The following GORASP1 variants were observed in gnomAD, a reference collection of about 807,000 sequenced individuals.
GORASP1 encodes the protein Golgi reassembly-stacking protein 1.
GORASP1 carries 31 observed loss-of-function variants against 37.7 expected under a neutral mutation model. The ratio of observed to expected loss-of-function variants is 0.82; its 90% CI spans 0.62 to 1.11. GORASP1 has a LOEUF of 1.11. Ranked by LOEUF, GORASP1 falls within the 50% of genes least tolerant of loss-of-function variation. The probability of loss-of-function intolerance (pLI) is 0.00; values close to 1 mark genes in which losing one functional copy is unlikely to be tolerated. For synonymous variants in GORASP1, 204 were observed against 224.8 expected (o/e 0.91, Z 0.83); for missense variants, 476 against 560.7 (o/e 0.85, Z 1.53).
chr3:39,101,527 C>T (rs1370681002), intron 3 of GORASP1: 1 of 458,254 alleles, frequency 2.2e-6, no homozygotes, highest in Non-Finnish European at 4.4e-6. Flanking sequence ...ACAGGAGCAC[C>T]CACTACATTG....
rs2035366993 is a variant in GORASP1, at chr3:39,096,740, C to T, written c.*1496G>A. 1 of 152,132 alleles carries T rather than the reference C, an allele frequency of 6.6e-6. No individual in the cohort carries two copies. The highest frequency in any genetic ancestry group is 2.4e-5 in the African/African-American group (1 of 41,410). 9.4% of individuals were successfully genotyped at this position (152,132 alleles called of 1,614,324 possible). On this transcript the variant is annotated 3_prime_UTR_variant, in exon 9 of 9. Coordinates refer to ENST00000319283, the MANE Select transcript of GORASP1 (RefSeq NM_031899.4). ...AGATTACAGAGAAAGAAAGAAACCT[C>T]TGGTTTCATGTTCTCCCTGGAAATA... is the stretch of plus-strand genomic sequence containing the variant.
chr3:39,099,206 A>G (rs1310528906), intron 7 of GORASP1, 147 bp downstream of exon 7: 4 of 965,204 alleles, frequency 4.1e-6, no homozygotes, highest in Non-Finnish European at 6.6e-6. Context: ...CCCCATCTGT[A>G]TACTAGATTG....
rs148059872 is a variant in GORASP1 at position 39,101,077 on chromosome 3, G to A, written c.374C>T (p.Ala125Val). 1,294 of 1,614,144 alleles carry A rather than the reference G, an allele frequency of 8.0e-4. 15 individuals carry two copies. Among genetic ancestry groups the A allele is most frequent in the Non-Finnish European group, 1.3e-4 (151 of 1,179,980 alleles). Residue 125 changes from alanine to valine, a missense_variant, in exon 4 of 9, where the codon GCC (alanine) becomes GTC (valine). Coordinates refer to ENST00000319283, the MANE Select transcript of GORASP1 (RefSeq NM_031899.4). ...TGTGTAGGGGCGCAGGCCGGCAAGGGCAGCAGGTGAAGATGGTTCCACATC... is the reference window on the plus strand; with the variant it reads ...TGTGTAGGGGCGCAGGCCGGCAAGGACAGCAGGTGAAGATGGTTCCACATC... ...VLDVEPSSPA[A>V]LAGLRPYTDY...
chr3:39,106,839 A>C, intron 1 of GORASP1: 1 of 278,746 alleles, frequency 3.6e-6, no homozygotes, highest in Non-Finnish European at 7.4e-6. Flanking sequence ...GCTCGCCCAG[A>C]CCTCCATGTA....
chr3:39,104,905 C>T lies in GORASP1; in HGVS notation c.64-1352G>A, dbSNP rs562541619. On this transcript the variant is annotated intron_variant, in intron 1 of 8. Transcript: ENST00000319283. ...TAACCCTTCAGGTGAGGGGATCTTT[C>T]GAAAACCACAGGACAGGACAGTTAT... Among the ~76,000 whole-genome samples the T allele has an allele frequency of 2.5e-4, 38 of 152,320 alleles. 1 individual carries two copies. The South Asian group carries it at 6.8e-3, about 27-fold the overall frequency.
rs910907538 is a variant in GORASP1, at chr3:39,105,232, C to T, written c.64-1679G>A. Among the ~76,000 whole-genome samples the T allele has an allele frequency of 1.3e-5, 2 of 152,056 alleles. No homozygotes were observed. Among genetic ancestry groups the T allele is most frequent in the Non-Finnish European group, 2.9e-5 (2 of 68,022 alleles). ...ATAATCTATGCTGCTGCCCACTGTA[C>T]GGCTCCCCCTGCAGAAACCACTGCC... On this transcript the variant is annotated intron_variant, in intron 1 of 8. Coordinates refer to ENST00000319283, the MANE Select transcript of GORASP1 (RefSeq NM_031899.4). This position sits in a 1 kb window ranked among gnomAD's most constrained non-coding sequence, Gnocchi z 5.4.
Position 39,102,534 on chromosome 3 carries a change from T to A in GORASP1, c.348+144A>T. 1.3e-6 allele frequency: 1 copy of A among 758,890 alleles called. No individual in the cohort carries two copies. Among genetic ancestry groups the A allele is most frequent in the Non-Finnish European group, 2.2e-6 (1 of 448,852 alleles). 47.0% of individuals were successfully genotyped at this position (758,890 alleles called of 1,614,324 possible). A position where few individuals can be genotyped will look rare whatever the true frequency, so the allele number is the denominator to read the frequency against. On this transcript the variant is annotated intron_variant, in intron 3 of 8. Coordinates refer to ENST00000319283, the MANE Select transcript of GORASP1 (RefSeq NM_031899.4). The surrounding 1 kb of genome is among the most constrained non-coding windows in gnomAD (Gnocchi z 5.0). ...TCTGGGACACTGGAATGAGACCACA[T>A]CCTGCCCTCAGTCTTCCCTGGCCAC...
At position 39,098,842 on chromosome 3, in the gene GORASP1, A is replaced by G. The variant is rs774767410; in HGVS notation, c.968T>C (p.Val323Ala). The G allele has an allele frequency of 2.5e-6, 4 of 1,614,168 alleles. No individual in the cohort carries two copies. The highest frequency in any genetic ancestry group is 3.4e-6 in the Non-Finnish European group (4 of 1,180,000). The change falls in exon 8 of 9, where the codon GTG (valine) becomes GCG (alanine). Residue 323 changes from valine (V) to alanine (A), a missense_variant. By Grantham distance (64) the Val-to-Ala change is moderately conservative. Coordinates refer to ENST00000319283, the MANE Select transcript of GORASP1 (RefSeq NM_031899.4). This position sits in a 1 kb window ranked among gnomAD's most constrained non-coding sequence, Gnocchi z 4.7. ...TGTGGAAGAGGGCAGGCTGGGCCACACACTGGCATTGCTGTTGTCCAAGAG... is the reference window on the plus strand; with the variant it reads ...TGTGGAAGAGGGCAGGCTGGGCCACGCACTGGCATTGCTGTTGTCCAAGAG... ...ISLLDNSNAS[V>A]WPSLPSSTEL...
In GORASP1 at chr3:39,098,721, G is replaced by A. The variant is rs775337852; in HGVS notation, c.1069+20C>T. On this transcript the variant is annotated intron_variant, in intron 8 of 8. Coordinates refer to ENST00000319283, the MANE Select transcript of GORASP1 (RefSeq NM_031899.4). This position sits in a 1 kb window ranked among gnomAD's most constrained non-coding sequence, Gnocchi z 4.7. ...CCCGGGGTCCTTCCCAGAGGACTTC[G>A]GAAGGTGATGGCCACTCACCACCCC... The A allele has an allele frequency of 7.3e-5, 117 of 1,611,908 alleles. 1 individual carries two copies. Among genetic ancestry groups the A allele is most frequent in the Middle Eastern group, 1.7e-4 (1 of 6,040 alleles).
chr3:39,102,862 A>G lies in GORASP1; in HGVS notation c.164T>C (p.Leu55Pro). ...CACATTGGCTTTCAGTAGTGCCTTC[A>G]GGGTGTCATTCTCCTTGTTCTGTGG... Reference protein sequence around the residue: ...HSRLNKENDTLKALLKANVEK... With the variant: ...HSRLNKENDTPKALLKANVEK... Residue 55 changes from leucine (L) to proline (P), a missense_variant, in exon 3 of 9, where the codon CTG (leucine) becomes CCG (proline). By Grantham distance (98) the Leu-to-Pro change is moderately conservative. Coordinates refer to ENST00000319283, the MANE Select transcript of GORASP1 (RefSeq NM_031899.4). The surrounding 1 kb of genome is among the most constrained non-coding windows in gnomAD (Gnocchi z 5.0). 1 of 1,614,148 alleles carries G rather than the reference A, an allele frequency of 6.2e-7. No individual in the cohort carries two copies. The highest frequency in any genetic ancestry group is 1.1e-5 in the South Asian group (1 of 91,090).
chr3:39,107,588 C>T lies in GORASP1; in HGVS notation c.-47G>A, dbSNP rs766974505. On this transcript the variant is annotated 5_prime_UTR_variant, in exon 1 of 9. Coordinates refer to ENST00000319283, the MANE Select transcript of GORASP1 (RefSeq NM_031899.4). The stretch of plus-strand genomic sequence containing the variant: ...CCAGGTCCAGTCCCGCTGCGCCTAC[C>T]CGGACCGACCCGACGCCAGTAGCAC... 9 of 1,455,756 alleles carry T rather than the reference C, an allele frequency of 6.2e-6. No homozygotes were observed. The South Asian group carries it at 1.1e-4, about 17-fold the overall frequency. The allele number at this position is 1,455,756 out of a possible 1,614,324, so 90.2% of individuals were successfully genotyped here. A position where few individuals can be genotyped will look rare whatever the true frequency, so the allele number is the denominator to read the frequency against.
intron 1 of GORASP1, chr3:39,107,094 C>A (rs1047395249): frequency 2.5e-5 from 12 of 473,608 alleles, no homozygotes; most frequent in African/African-American, 3.9e-5. Context: ...TCTTCCCAGG[C>A]CCAGCACGGA....
Position 39,100,302 on chromosome 3 carries a change from T to A in GORASP1, c.765+3A>T, listed in dbSNP as rs376101693. ...TCCCAGTTGGCAGATTCTCCCCACA[T>A]ACCTCCATGTAGTCACTCTGCCTGG... On this transcript the variant is annotated splice_donor_region_variant and intron_variant, in intron 6 of 8. Coordinates refer to ENST00000319283, the MANE Select transcript of GORASP1 (RefSeq NM_031899.4). The surrounding 1 kb of genome is among the most constrained non-coding windows in gnomAD (Gnocchi z 4.6). The A allele has an allele frequency of 1.2e-6, 2 of 1,613,514 alleles. No homozygotes were observed. The highest frequency in any genetic ancestry group is 1.7e-6 in the Non-Finnish European group (2 of 1,179,468).
At chr3:39,107,243 G>A in intron 1 of GORASP1, 1 of 529,736 alleles carries the variant, frequency 1.9e-6, no homozygotes, top group South Asian at 1.9e-5. Context: ...CGGCACTGCT[G>A]GCACTTGGGG....
At chr3:39,099,025 C>A in intron 7 of GORASP1, 132 bp from the exon 8 acceptor site, 2 of 1,194,564 alleles carry the variant, frequency 1.7e-6, no homozygotes, top group African/African-American at 3.0e-5. Flanking sequence ...CTGGTGATAC[C>A]CCTCACCCAA....
In GORASP1 at chr3:39,100,910, T is replaced by A; in HGVS notation, c.436-33A>T. On this transcript the variant is annotated intron_variant, in intron 4 of 8. Transcript: ENST00000319283. This position sits in a 1 kb window ranked among gnomAD's most constrained non-coding sequence, Gnocchi z 4.6. ...AAACGCATAGCACCTGAGGCCTGCT[T>A]CCAGGGCTAAAGCCTCAACAAAACC... The A allele has an allele frequency of 6.2e-7, 1 of 1,614,068 alleles. No homozygotes were observed.
chr3:39,098,633 G>T lies in GORASP1; in HGVS notation c.1069+108C>A. 2 of 1,506,642 alleles carry T rather than the reference G, an allele frequency of 1.3e-6. No individual in the cohort carries two copies. The highest frequency in any genetic ancestry group is 2.3e-5 in the East Asian group (1 of 44,048). The allele number at this position is 1,506,642 out of a possible 1,614,324, so 93.3% of individuals were successfully genotyped here. A position where few individuals can be genotyped will look rare whatever the true frequency, so the allele number is the denominator to read the frequency against. Reference sequence around the variant, plus strand: ...TGGAGTGTACAAATGCCTTGGTGTGGCTGTATCAACCCGATGGCCCACTTC... The same window carrying T: ...TGGAGTGTACAAATGCCTTGGTGTGTCTGTATCAACCCGATGGCCCACTTC... On this transcript the variant is annotated intron_variant, in intron 8 of 8. Transcript: ENST00000319283. The surrounding 1 kb of genome is among the most constrained non-coding windows in gnomAD (Gnocchi z 4.7).
At chr3:39,104,530 C>A (rs1486869617) in intron 1 of GORASP1, among the ~76,000 whole-genome samples, 4 of 152,346 alleles carry the variant, frequency 2.6e-5, no homozygotes, top group Non-Finnish European at 5.9e-5. Context: ...ACCAGCCAGA[C>A]CCAGCCCAGA....
Position 39,101,022 on chromosome 3 carries a change from GA to G in GORASP1, c.428del (p.Leu143ProfsTer19). 3 of 1,614,176 alleles carry G rather than the reference GA, an allele frequency of 1.9e-6. No homozygotes were observed. The South Asian group carries it at 3.3e-5, about 18-fold the overall frequency. ...CAAATTGCGGGTTCCTCACCTCCTG[GA>G]GAATCTGGTCCGAACCAACCACATA... ...TDYVVGSDQI[L>X]QESEDFFTLI... On this transcript the variant is annotated frameshift_variant, in exon 4 of 9. Transcript: ENST00000319283. LOFTEE classifies it high-confidence loss of function.
Sources: allele counts gnomAD v4.1 joint callset (sites outside exome capture counted in the v4.1 genomes callset), GRCh38; gene constraint gnomAD v4.1.1; non-coding constraint Gnocchi (gnomAD v3.1); transcripts MANE v1.5; gene names NCBI Gene and HGNC (gene_info 2026-07-23, HGNC 2026-07-21).